CXCL13: variants seen among roughly 807,000 people sequenced by gnomAD.
CXCL13 encodes the protein C-X-C motif chemokine ligand 13.
Under a neutral mutation model 12.2 loss-of-function variants are expected in CXCL13, and 7 were observed. The ratio of observed to expected loss-of-function variants is 0.57; its 90% CI spans 0.33 to 1.07. The LOEUF (loss-of-function observed/expected upper bound fraction) is 1.07. Among genes scored for constraint, CXCL13 ranks in the 50% least tolerant of loss-of-function variants. The pLI is 0.04. For missense variants in CXCL13, 113 were observed against 127.4 expected (o/e 0.89, Z 0.55); for synonymous variants, 47 against 42.4 (o/e 1.11, Z -0.42).
intron 1 of CXCL13, among the ~76,000 whole-genome samples, chr4:77,563,367 T>C (rs1000056936): frequency 2.6e-5 from 4 of 152,192 alleles, no homozygotes; most frequent in African/African-American, 7.2e-5. Context: ...CACTACAGCT[T>C]ACAGTTTCCC....
intron 1 of CXCL13, among the ~76,000 whole-genome samples, chr4:77,559,676 A>G (rs1309663236): frequency 6.6e-6 from 1 of 152,074 alleles, no homozygotes; most frequent in African/African-American, 2.4e-5. Context: ...TAATCCCAGT[A>G]TTTTGGGAGG....
chr4:77,580,038 G>A (rs1446649648), intron 1 of CXCL13, among the ~76,000 whole-genome samples: 1 of 152,142 alleles, frequency 6.6e-6, no homozygotes, highest in Non-Finnish European at 1.5e-5. Flanking sequence ...GTACAAACCA[G>A]CTGACTATCA....
intron 1 of CXCL13, among the ~76,000 whole-genome samples, chr4:77,532,470 C>T (rs1015541882): frequency 6.6e-6 from 1 of 152,098 alleles, no homozygotes; most frequent in African/African-American, 2.4e-5. Flanking sequence ...TCTCTGGCTG[C>T]CCTTAACATT....
intron 1 of CXCL13, among the ~76,000 whole-genome samples, chr4:77,539,751 G>C (rs1315074475): frequency 3.3e-5 from 5 of 152,122 alleles, no homozygotes; most frequent in African/African-American, 1.2e-4. Context: ...TTTATTAGGG[G>C]ATTGCCGTTC....
intron 1 of CXCL13, among the ~76,000 whole-genome samples, chr4:77,588,649 G>A (rs926646774): frequency 6.6e-6 from 1 of 152,124 alleles, no homozygotes; most frequent in African/African-American, 2.4e-5. Context: ...TCTGTCTTTT[G>A]GATACTCAGT....
intron 1 of CXCL13, among the ~76,000 whole-genome samples, chr4:77,526,941 A>T (rs1724781769): frequency 6.6e-6 from 1 of 152,214 alleles, no homozygotes; most frequent in Non-Finnish European, 1.5e-5. Flanking sequence ...TCAAGCACTG[A>T]TAGAAGGCAA....
At chr4:77,525,108 T>A (rs1006322748) in intron 1 of CXCL13, among the ~76,000 whole-genome samples, 2 of 152,192 alleles carry the variant, frequency 1.3e-5, no homozygotes, top group African/African-American at 4.8e-5. Flanking sequence ...TGTGCTCTCT[T>A]CTGCCTTCCA....
intron 1 of CXCL13, among the ~76,000 whole-genome samples, chr4:77,599,957 C>A (rs1484964279): frequency 6.6e-6 from 1 of 152,036 alleles, no homozygotes; most frequent in Admixed American, 6.6e-5. Context: ...CTCTTAGAGA[C>A]CAAATAGATA....
intron 1 of CXCL13, among the ~76,000 whole-genome samples, chr4:77,564,806 G>T (rs1257603068): frequency 6.6e-6 from 1 of 152,156 alleles, no homozygotes; most frequent in Non-Finnish European, 1.5e-5. Flanking sequence ...AGCAGATATT[G>T]TGCGGAAAGG....
In CXCL13 at chr4:77,605,921, C is replaced by A; in HGVS notation, c.56C>A (p.Pro19Gln). 6.3e-7 allele frequency: 1 copy of A among 1,599,692 alleles called. No homozygotes were observed. Among genetic ancestry groups the A allele is most frequent in the South Asian group, 1.1e-5 (1 of 88,794 alleles). Residue 19 changes from proline (P) to glutamine (Q), a missense_variant, in exon 1 of 4, where the codon CCA becomes CAA. Physicochemically the swap from Pro to Gln is moderately conservative, Grantham distance 76 (BLOSUM62 -1). Transcript: ENST00000682537. The stretch of plus-strand genomic sequence containing the variant: ...ATGCTGCTGGTCAGCAGCCTCTCTC[C>A]AGTCCAAGGTGAGAAATTTCATTTA... The part of the protein sequence containing the change: ...LLMLLVSSLS[P>Q]VQGVLEVYYT...
In CXCL13 at chr4:77,539,289, C is replaced by T. The variant is rs368719872; in HGVS notation, c.-43+27501C>T. ...TTAGTCATAAAAACTACACACCCAG[C>T]TAATTTTTTGTATTTTTAATAGAGA... On this transcript the variant is annotated intron_variant, in intron 1 of 4. Transcript: ENST00000286758. 7.9e-5 allele frequency among the ~76,000 whole-genome samples: 12 copies of T among 152,228 alleles called. No homozygotes were observed. The South Asian group carries it at 1.7e-3, about 21-fold the overall frequency.
At chr4:77,537,675 TG>T (rs1725092099) in intron 1 of CXCL13, among the ~76,000 whole-genome samples, 1 of 152,224 alleles carries the variant, frequency 6.6e-6, no homozygotes, top group Non-Finnish European at 1.5e-5. Flanking sequence ...TTTGTTTTAC[TG>T]TGTTCCATGT....
At chr4:77,596,921 A>G (rs1726782993) in intron 1 of CXCL13, among the ~76,000 whole-genome samples, 1 of 152,218 alleles carries the variant, frequency 6.6e-6, no homozygotes, top group South Asian at 2.1e-4. Context: ...GTGTCTATTG[A>G]TGGAAGAACG....
chr4:77,574,152 C>T (rs1409318287), intron 1 of CXCL13, among the ~76,000 whole-genome samples: 1 of 151,800 alleles, frequency 6.6e-6, no homozygotes, highest in East Asian at 1.9e-4. Flanking sequence ...TATGCTTTTT[C>T]TCTTCTTGGC....
chr4:77,544,677 T>G (rs1725306836), intron 1 of CXCL13, among the ~76,000 whole-genome samples: 1 of 152,296 alleles, frequency 6.6e-6, no homozygotes, highest in South Asian at 2.1e-4. Context: ...TTGCAAAAAT[T>G]TTCTCCCATT....
intron 1 of CXCL13, among the ~76,000 whole-genome samples, chr4:77,549,057 ACTTCT>A (rs1725442789): frequency 6.6e-6 from 1 of 151,658 alleles, no homozygotes; most frequent in Admixed American, 6.6e-5. Flanking sequence ...TTTTCTCTAA[ACTTCT>A]CTTCTCACTT....
chr4:77,598,652 G>A (rs1726821051), intron 1 of CXCL13, among the ~76,000 whole-genome samples: 1 of 152,198 alleles, frequency 6.6e-6, no homozygotes, highest in African/African-American at 2.4e-5. Context: ...AAAGGGAGAG[G>A]CAATATAGTA....
At chr4:77,552,241 T>C (rs1725549819) in intron 1 of CXCL13, among the ~76,000 whole-genome samples, 1 of 152,100 alleles carries the variant, frequency 6.6e-6, no homozygotes, top group Non-Finnish European at 1.5e-5. Context: ...TTCATGTGGG[T>C]AGGATTTTTT....
intron 1 of CXCL13, among the ~76,000 whole-genome samples, chr4:77,550,687 T>A (rs1451968185): frequency 6.6e-6 from 1 of 152,256 alleles, no homozygotes; most frequent in African/African-American, 2.4e-5. Context: ...TCTGCCTTGA[T>A]GATTTGTCTG....
Sources: gnomAD v4.1 joint callset for allele counts (sites outside exome capture counted in the v4.1 genomes callset) on GRCh38, gnomAD v4.1.1 for gene constraint, MANE v1.5 for transcripts, NCBI Gene and HGNC (gene_info 2026-07-23, HGNC 2026-07-21) for gene names.